HTR2C: variants seen among roughly 807,000 people sequenced by gnomAD.
HTR2C encodes the protein 5-hydroxytryptamine (serotonin) receptor 2C, G protein-coupled.
In HTR2C, 5 loss-of-function variants were observed where a neutral mutation model predicts 21.0. The observed-to-expected ratio is 0.24, with a 90% CI of 0.12 to 0.50. HTR2C has a LOEUF of 0.50. Among genes scored for constraint, HTR2C ranks in the 20% least tolerant of loss-of-function variants. HTR2C has a pLI of 0.98. For synonymous variants in HTR2C, 150 were observed against 145.3 expected, an observed-to-expected ratio of 1.03 and a Z score of -0.23; for missense variants, 271 against 371.2, an observed-to-expected ratio of 0.73 and a Z score of 2.22.
chrX:114,670,158 C>A (rs1157327685), intron 2 of HTR2C, among the ~76,000 whole-genome samples: 1 of 111,105 alleles, frequency 9.0e-6, no homozygotes, highest in Non-Finnish European at 1.9e-5. Context: ...TTTGGGAGGC[C>A]GAGGCAGGTG....
chrX:114,828,587 T>C (rs2070696344), intron 4 of HTR2C, among the ~76,000 whole-genome samples: 1 of 111,993 alleles, frequency 8.9e-6, no homozygotes, highest in Admixed American at 9.5e-5. Flanking sequence ...TATAACAAAA[T>C]TAACAATTAA....
intron 2 of HTR2C, among the ~76,000 whole-genome samples, chrX:114,706,232 C>T (rs1258357929): frequency 3.0e-5 from 2 of 67,050 alleles, no homozygotes; most frequent in African/African-American, 1.1e-4. Flanking sequence ...GACTATAAAT[C>T]ATGCTGCTAT....
intron 4 of HTR2C, among the ~76,000 whole-genome samples, chrX:114,769,852 T>C (rs142930513): frequency 7.9e-4 from 89 of 112,013 alleles, no homozygotes; most frequent in African/African-American, 2.6e-3. Flanking sequence ...CAAGTTACCA[T>C]CTACCTTTTC....
At chrX:114,613,088 C>T (rs1928810494) in intron 1 of HTR2C, among the ~76,000 whole-genome samples, 1 of 109,906 alleles carries the variant, frequency 9.1e-6, no homozygotes, top group African/African-American at 3.3e-5. Context: ...CAGGTGCCCA[C>T]CATCATGCCA....
At chrX:114,663,228 C>A (rs1446092482) in intron 2 of HTR2C, among the ~76,000 whole-genome samples, 2 of 110,676 alleles carry the variant, frequency 1.8e-5, no homozygotes, top group Non-Finnish European at 3.8e-5. Flanking sequence ...CAACAATTGC[C>A]TATAGAACCT....
chrX:114,714,114 C>T (rs1469893854), intron 2 of HTR2C, among the ~76,000 whole-genome samples: 2 of 111,546 alleles, frequency 1.8e-5, no homozygotes, highest in African/African-American at 6.5e-5. Context: ...ATATCAGTTT[C>T]GCTAAATATT....
intron 4 of HTR2C, among the ~76,000 whole-genome samples, chrX:114,807,892 C>G (rs1026675859): frequency 9.0e-6 from 1 of 110,756 alleles, no homozygotes; most frequent in South Asian, 3.8e-4. Context: ...AGGATGGTCT[C>G]GATCTCTTGA....
At chrX:114,904,924 C>T (rs1017082006) in intron 5 of HTR2C, among the ~76,000 whole-genome samples, 12 of 107,531 alleles carry the variant, frequency 1.1e-4, no homozygotes, top group African/African-American at 3.7e-4. Flanking sequence ...GAAATATATT[C>T]TGTGTGGTTC....
At chrX:114,764,550 A>G (rs1174469525) in intron 4 of HTR2C, among the ~76,000 whole-genome samples, 1 of 112,344 alleles carries the variant, frequency 8.9e-6, no homozygotes, top group African/African-American at 3.2e-5. Flanking sequence ...CTACAGGCAG[A>G]TAGGCAGCAC....
chrX:114,812,285 C>T (rs1052645420), intron 4 of HTR2C, among the ~76,000 whole-genome samples: 1 of 111,410 alleles, frequency 9.0e-6, no homozygotes, highest in Non-Finnish European at 1.9e-5. Context: ...TGGCAGCCAT[C>T]CCAAAACTCT....
At chrX:114,882,916 T>C (rs1336557074) in intron 5 of HTR2C, among the ~76,000 whole-genome samples, 18 of 110,834 alleles carry the variant, frequency 1.6e-4, no homozygotes, top group Non-Finnish European at 3.4e-4. Flanking sequence ...TATTTCTTCT[T>C]TAAACTTTTT....
intron 4 of HTR2C, among the ~76,000 whole-genome samples, chrX:114,835,489 T>A (rs782577324): frequency 9.2e-6 from 1 of 108,696 alleles, no homozygotes; most frequent in African/African-American, 3.3e-5. Flanking sequence ...TTCTTCCAGT[T>A]GATCGCATCG....
intron 4 of HTR2C, among the ~76,000 whole-genome samples, chrX:114,845,925 A>G (rs1322898688): frequency 9.1e-6 from 1 of 110,482 alleles, no homozygotes; most frequent in Non-Finnish European, 1.9e-5. Flanking sequence ...AGTTAGGAAG[A>G]TTGCTTGAGC....
chrX:114,752,466 G>A (rs782271904), intron 4 of HTR2C, among the ~76,000 whole-genome samples: 34 of 110,716 alleles, frequency 3.1e-4, no homozygotes, highest in African/African-American at 1.1e-3. Flanking sequence ...AAAGAAAAGC[G>A]CATGCCTTCT....
At chrX:114,805,731 C>CT (rs1556448753) in intron 4 of HTR2C, among the ~76,000 whole-genome samples, 4 of 84,829 alleles carry the variant, frequency 4.7e-5, no homozygotes, top group African/African-American at 1.8e-4. Flanking sequence ...ATATATACAC[C>CT]ATATATACAC....
At chrX:114,875,494 G>A (rs1234033695) in intron 5 of HTR2C, among the ~76,000 whole-genome samples, 2 of 110,910 alleles carry the variant, frequency 1.8e-5, no homozygotes, top group East Asian at 5.7e-4. Context: ...CAAGACCAAT[G>A]TCCAGGAGTT....
Position 114,652,490 on chromosome X carries a change from G to A in HTR2C, c.-80+38609G>A, listed in dbSNP as rs782378516. Among the ~76,000 whole-genome samples the A allele has an allele frequency of 7.3e-5, 8 of 109,765 alleles. No individual in the cohort carries two copies. The East Asian group carries it at 2.3e-3, about 31-fold the overall frequency. On this transcript the variant is annotated intron_variant, in intron 2 of 5. Coordinates refer to ENST00000276198, the MANE Select transcript of HTR2C (RefSeq NM_000868.4). ...AAGTGAGAATATAAATGGAATAGAG[G>A]TGGGAAATGGATTTATATAGAAAGA... is the stretch of plus-strand genomic sequence containing the variant.
chrX:114,761,854 A>ACT (rs1245797036), intron 4 of HTR2C, among the ~76,000 whole-genome samples: 4 of 65,053 alleles, frequency 6.1e-5, no homozygotes, highest in African/African-American at 2.3e-4. Flanking sequence ...CCAAAAGATT[A>ACT]CTCTCTATCT....
At chrX:114,731,677 A>T (rs782112171) in intron 4 of HTR2C, 70 bp downstream of exon 4, 8 of 791,600 alleles carry the variant, frequency 1.0e-5, no homozygotes, top group Non-Finnish European at 1.4e-5. Context: ...AAACACTCAT[A>T]AAGTTAATTA....
Sources: gnomAD v4.1 joint callset for allele counts (sites outside exome capture counted in the v4.1 genomes callset) on GRCh38, gnomAD v4.1.1 for gene constraint, MANE v1.5 for transcripts, NCBI Gene and HGNC (gene_info 2026-07-23, HGNC 2026-07-21) for gene names.